Variants in CASZ1 observed in about 807,000 individuals in gnomAD.
CASZ1 encodes castor zinc finger 1, also known as zinc finger protein castor homolog 1.
A neutral mutation model predicts 135.2 loss-of-function variants in CASZ1; 28 were observed. That is an observed-to-expected ratio of 0.21 (90% CI 0.15 to 0.28). CASZ1 has a LOEUF of 0.28. Among genes scored for constraint, CASZ1 ranks in the 10% least tolerant of loss-of-function variants. CASZ1 has a pLI of 1.00. For synonymous variants in CASZ1, 1,068 were observed against 1,073.4 expected (o/e 0.99, Z 0.10); for missense variants, 2,161 against 2,453.3 (o/e 0.88, Z 2.52).
At chr1:10,785,812 C>G (rs868500069) in intron 1 of CASZ1, among the ~76,000 whole-genome samples, 1 of 152,270 alleles carries the variant, frequency 6.6e-6, no homozygotes, top group Non-Finnish European at 1.5e-5. Context: ...TGCGCCCCTG[C>G]TATGTGCTGC....
At chr1:10,692,902 C>T (rs186513520) in intron 4 of CASZ1, among the ~76,000 whole-genome samples, 2 of 152,312 alleles carry the variant, frequency 1.3e-5, no homozygotes, top group East Asian at 1.9e-4. Context: ...AATGAATGAT[C>T]GGGCTGCTTG....
Position 10,639,763 on chromosome 1 carries a change from G to A in CASZ1, c.4459C>T (p.Leu1487=). ...HAQHHDRVDN[L]VLDDFKRFKA... ...AAGCGCTTGAAGTCGTCCAGCACCA[G>A]GTTGTCCACGCGGTCGTGGTGCTGC... is the stretch of plus-strand genomic sequence containing the variant. The change falls in exon 21 of 21, where the codon CTG becomes TTG. Residue 1487 remains leucine, a synonymous_variant. Coordinates refer to ENST00000377022, the MANE Select transcript of CASZ1 (RefSeq NM_001079843.3). This position sits in a 1 kb window ranked among gnomAD's most constrained non-coding sequence, Gnocchi z 4.0. The A allele has an allele frequency of 6.3e-7, 1 of 1,599,324 alleles. No homozygotes were observed. Among genetic ancestry groups the A allele is most frequent in the South Asian group, 1.1e-5 (1 of 89,118 alleles).
At position 10,651,091 on chromosome 1, in the gene CASZ1, T is replaced by C; in HGVS notation, c.2681-15A>G. 1.3e-6 allele frequency: 2 copies of C among 1,487,642 alleles called. No homozygotes were observed. Among genetic ancestry groups the C allele is most frequent in the Admixed American group, 5.1e-5 (2 of 38,950 alleles). The allele number at this position is 1,487,642 out of a possible 1,614,324, so 92.2% of individuals were successfully genotyped here. A position where few individuals can be genotyped will look rare whatever the true frequency, so the allele number is the denominator to read the frequency against. ...CTGCCCGCTTCCTGCAGGGGAGGGG[T>C]GGGAAGATGCGTCAGAGGGGCTGAA... On this transcript the variant is annotated splice_polypyrimidine_tract_variant and intron_variant, in intron 11 of 20. Transcript: ENST00000377022.
chr1:10,742,433 G>T (rs1270305299), intron 2 of CASZ1, among the ~76,000 whole-genome samples: 1 of 152,186 alleles, frequency 6.6e-6, no homozygotes, highest in Non-Finnish European at 1.5e-5. Context: ...GGTCCAGGCT[G>T]TGTAAAGTGA....
chr1:10,660,483 C>A lies in CASZ1; in HGVS notation c.559G>T (p.Gly187Cys). The A allele has an allele frequency of 1.9e-6, 3 of 1,614,002 alleles. No individual in the cohort carries two copies. The highest frequency in any genetic ancestry group is 4.5e-5 in the East Asian group (2 of 44,866). Reference protein sequence around the residue: ...YAASTMTEFLGMFGYDDQNTR... With the variant: ...YAASTMTEFLCMFGYDDQNTR... ...TTCTGGTCATCATAGCCAAACATGC[C>A]GAGGAACTCGGTCATGGTGGAGGCC... Residue 187 changes from glycine to cysteine, a missense_variant, in exon 6 of 21, where the codon GGC becomes TGC. By Grantham distance (159) the Gly-to-Cys change is radical. This residue lies in a region of CASZ1 where 590 missense variants were observed against 609.8 expected (regional missense o/e 0.97). Coordinates refer to ENST00000377022, the MANE Select transcript of CASZ1 (RefSeq NM_001079843.3).
intron 1 of CASZ1, among the ~76,000 whole-genome samples, chr1:10,775,727 A>G (rs1169765979): frequency 6.6e-6 from 1 of 152,172 alleles, no homozygotes; most frequent in African/African-American, 2.4e-5. Context: ...GGGGTTCACC[A>G]GGTTAATAGA....
At position 10,757,096 on chromosome 1, in the gene CASZ1, G is replaced by T. The variant is rs1382745409; in HGVS notation, c.-77+3605C>A. On this transcript the variant is annotated intron_variant, in intron 2 of 20. Coordinates refer to ENST00000377022, the MANE Select transcript of CASZ1 (RefSeq NM_001079843.3). The surrounding 1 kb of genome is among the most constrained non-coding windows in gnomAD (Gnocchi z 4.6). ...GTGTCGGAGAGAAGCAGTTCCCTCC[G>T]CAAGGAGCCCGACCCACTCAAACGA... Among the ~76,000 whole-genome samples, 1 of 152,228 alleles carries T rather than the reference G, an allele frequency of 6.6e-6. No individual in the cohort carries two copies. Among genetic ancestry groups the T allele is most frequent in the South Asian group, 2.1e-4 (1 of 4,818 alleles).
At chr1:10,673,804 G>T (rs1349871767) in intron 4 of CASZ1, among the ~76,000 whole-genome samples, 5 of 152,154 alleles carry the variant, frequency 3.3e-5, no homozygotes, top group Admixed American at 3.3e-4. Context: ...GACCCTCCGT[G>T]GGCAGGAGAG....
At chr1:10,730,051 G>T (rs975970370) in intron 2 of CASZ1, among the ~76,000 whole-genome samples, 1 of 152,146 alleles carries the variant, frequency 6.6e-6, no homozygotes, top group African/African-American at 2.4e-5. Context: ...CTGGCCTCAA[G>T]TGATCCACTC....
chr1:10,652,288 G>A (rs989215967), intron 11 of CASZ1: 4 of 152,408 alleles, frequency 2.6e-5, no homozygotes, highest in Admixed American at 1.3e-4. Flanking sequence ...CCACTCCTGC[G>A]GGCAGCGCCT....
chr1:10,648,493 C>T, intron 15 of CASZ1: 1 of 254,102 alleles, frequency 3.9e-6, no homozygotes, highest in Non-Finnish European at 7.5e-6. Flanking sequence ...GTATTCACAG[C>T]AGGCTTCCCC....
chr1:10,652,283 C>T (rs967894621), intron 11 of CASZ1: 1 of 152,286 alleles, frequency 6.6e-6, no homozygotes, highest in Non-Finnish European at 1.5e-5. Flanking sequence ...GAGCCCCACT[C>T]CTGCGGGCAG....
chr1:10,753,602 G>A (rs545797448), intron 2 of CASZ1, among the ~76,000 whole-genome samples: 1 of 152,314 alleles, frequency 6.6e-6, no homozygotes, highest in African/African-American at 2.4e-5. Context: ...AAGCAGGCCA[G>A]GGAGGCGGGT....
In CASZ1 at chr1:10,701,139, G is replaced by T. The variant is rs904753630; in HGVS notation, c.-24+4353C>A. Reference sequence around the variant, plus strand: ...CCCCTGATGCCAGGGCCAGCAGGTTGTCAAGGAGCTGAGCTGCCCCAGGTG... The same window carrying T: ...CCCCTGATGCCAGGGCCAGCAGGTTTTCAAGGAGCTGAGCTGCCCCAGGTG... On this transcript the variant is annotated intron_variant, in intron 3 of 20. Coordinates refer to ENST00000377022, the MANE Select transcript of CASZ1 (RefSeq NM_001079843.3). The surrounding 1 kb of genome is among the most constrained non-coding windows in gnomAD (Gnocchi z 6.3). Among the ~76,000 whole-genome samples, 2 of 152,200 alleles carry T rather than the reference G, an allele frequency of 1.3e-5. No individual in the cohort carries two copies. The highest frequency in any genetic ancestry group is 2.4e-5 in the African/African-American group (1 of 41,450).
In CASZ1 at chr1:10,660,153, G is replaced by A; in HGVS notation, c.889C>T (p.His297Tyr). 6.2e-7 allele frequency: 1 copy of A among 1,614,098 alleles called. No individual in the cohort carries two copies. Among genetic ancestry groups the A allele is most frequent in the Non-Finnish European group, 8.5e-7 (1 of 1,180,006 alleles). Residue 297 changes from histidine to tyrosine, a missense_variant, in exon 6 of 21, where the codon CAC becomes TAC. Physicochemically the swap from His to Tyr is moderately conservative, Grantham distance 83. This residue lies in a region of CASZ1 where 590 missense variants were observed against 609.8 expected (regional missense o/e 0.97). Transcript: ENST00000377022. Reference protein sequence around the residue: ...TKATILPLPSHSSVQMQNLVA... With the variant: ...TKATILPLPSYSSVQMQNLVA... ...AGGTTCTGCATCTGGACACTGCTGTGCGACGGCAGGGGCAGGATGGTGGCC... is the reference window on the plus strand; with the variant it reads ...AGGTTCTGCATCTGGACACTGCTGTACGACGGCAGGGGCAGGATGGTGGCC...
In CASZ1 at chr1:10,697,787, C is replaced by T. The variant is rs1276228777; in HGVS notation, c.-23-3875G>A. 6.6e-6 allele frequency among the ~76,000 whole-genome samples: 1 copy of T among 152,260 alleles called. No homozygotes were observed. Among genetic ancestry groups the T allele is most frequent in the Non-Finnish European group, 1.5e-5 (1 of 68,052 alleles). On this transcript the variant is annotated intron_variant, in intron 3 of 20. Coordinates refer to ENST00000377022, the MANE Select transcript of CASZ1 (RefSeq NM_001079843.3). The surrounding 1 kb of genome is among the most constrained non-coding windows in gnomAD (Gnocchi z 4.7). Reference sequence around the variant, plus strand: ...CCCCAGGATCCCAATAAACTGGTTCCATCTGAGGCGACTGGGCCAGGGCAC... The same window carrying T: ...CCCCAGGATCCCAATAAACTGGTTCTATCTGAGGCGACTGGGCCAGGGCAC...
Position 10,660,251 on chromosome 1 carries a change from C to T in CASZ1, c.791G>A (p.Arg264Gln), listed in dbSNP as rs376323876. Residue 264 changes from arginine to glutamine, a missense_variant, in exon 6 of 21, where the codon CGG (arginine) becomes CAG (glutamine). Around this residue, in one of 7 missense-constraint regions of CASZ1, gnomAD observed 590 missense variants for 609.8 expected, o/e 0.97. Transcript: ENST00000377022. The stretch of plus-strand genomic sequence containing the variant: ...GGTGCCCACCACCTCCTTGCCCACC[C>T]GCTCCTCGGTCTTGGTGCTGGGGGC... Reference protein sequence around the residue: ...WPAPSTKTEERVGKEVVGTLP... With the variant: ...WPAPSTKTEEQVGKEVVGTLP... The T allele has an allele frequency of 2.9e-5, 47 of 1,613,414 alleles. No individual in the cohort carries two copies. Among genetic ancestry groups the T allele is most frequent in the Non-Finnish European group, 3.3e-5 (39 of 1,179,862 alleles).
chr1:10,752,159 G>A (rs1640162249), intron 2 of CASZ1, among the ~76,000 whole-genome samples: 1 of 152,202 alleles, frequency 6.6e-6, no homozygotes, highest in Non-Finnish European at 1.5e-5. Flanking sequence ...CTTGCTCAGT[G>A]CCCAAAGGTC....
intron 2 of CASZ1, among the ~76,000 whole-genome samples, chr1:10,715,544 A>G (rs1465669299): frequency 1.4e-5 from 2 of 144,686 alleles, no homozygotes; most frequent in Non-Finnish European, 3.0e-5. Flanking sequence ...CCCCCACAGC[A>G]CCCAATCCAC....
Sources: allele counts gnomAD v4.1 joint callset (sites outside exome capture counted in the v4.1 genomes callset), GRCh38; gene constraint gnomAD v4.1.1; regional missense constraint gnomAD v4.1.1; non-coding constraint Gnocchi (gnomAD v3.1); transcripts MANE v1.5; gene names NCBI Gene and HGNC (gene_info 2026-07-23, HGNC 2026-07-21).